Variants in AMBRA1 observed in about 807,000 individuals in gnomAD.
The protein encoded by AMBRA1 is autophagy and beclin 1 regulator 1.
In AMBRA1, 47 loss-of-function variants were observed where a neutral mutation model predicts 125.4. The observed-to-expected ratio is 0.37, with a 90% CI of 0.30 to 0.48. The LOEUF (loss-of-function observed/expected upper bound fraction) is 0.48, where lower values mean the gene tolerates loss of function less well. AMBRA1 is among the 20% of genes least tolerant of loss of function. The pLI is 0.99. For synonymous variants in AMBRA1, 626 were observed against 655.5 expected (o/e 0.95, Z 0.69); for missense variants, 1,331 against 1,693.4 (o/e 0.79, Z 3.76).
intron 7 of AMBRA1, among the ~76,000 whole-genome samples, chr11:46,538,588 G>A (rs1317515331): frequency 2.6e-5 from 4 of 151,924 alleles, no homozygotes; most frequent in Non-Finnish European, 5.9e-5. Context: ...CCGCCTCCCC[G>A]GGTCCAAGTG....
At chr11:46,418,356 A>G (rs1280788441) in intron 14 of AMBRA1, among the ~76,000 whole-genome samples, 1 of 141,094 alleles carries the variant, frequency 7.1e-6, no homozygotes, top group African/African-American at 2.6e-5. Context: ...ATATAAATAT[A>G]TATTTTATTA....
intron 1 of AMBRA1, among the ~76,000 whole-genome samples, chr11:46,587,462 C>T (rs550383261): frequency 2.0e-5 from 3 of 152,240 alleles, no homozygotes; most frequent in African/African-American, 7.2e-5. Flanking sequence ...ATGTAAAACC[C>T]AGTATTATCA....
intron 9 of AMBRA1, among the ~76,000 whole-genome samples, chr11:46,499,788 T>C: frequency 6.6e-6 from 1 of 152,118 alleles, no homozygotes; most frequent in East Asian, 1.9e-4. Context: ...CCTGAGTAGC[T>C]GGGTTTACAG....
intron 11 of AMBRA1, among the ~76,000 whole-genome samples, chr11:46,460,343 A>G: frequency 6.8e-6 from 1 of 147,902 alleles, no homozygotes; most frequent in Admixed American, 6.7e-5. Context: ...TTTTTTTGAG[A>G]CGGAGTCTCG....
chr11:46,474,847 A>G lies in AMBRA1; in HGVS notation c.2521+18761T>C, dbSNP rs549588411. 5.4e-4 allele frequency among the ~76,000 whole-genome samples: 82 copies of G among 152,332 alleles called. No homozygotes were observed. In the South Asian group the frequency reaches 0.016, roughly 29 times the overall value. ...CTGGTTCACTGAGGGCAGCTAACCC[A>G]TATCAGAGCCAGAACAGTGAAAAAA... is the stretch of plus-strand genomic sequence containing the variant. On this transcript the variant is annotated intron_variant, in intron 11 of 17. Coordinates refer to ENST00000683756, the MANE Select transcript of AMBRA1 (RefSeq NM_001387011.1).
chr11:46,449,857 A>C (rs775549478), intron 11 of AMBRA1, among the ~76,000 whole-genome samples: 8 of 151,952 alleles, frequency 5.3e-5, no homozygotes, highest in Non-Finnish European at 8.8e-5. Flanking sequence ...TCAGGAGTTT[A>C]AGACCAGCCT....
chr11:46,491,095 T>A (rs1464519889), intron 11 of AMBRA1: 2 of 152,174 alleles, frequency 1.3e-5, no homozygotes, highest in East Asian at 3.8e-4. Flanking sequence ...AAGATTTTCC[T>A]CAGCAAGCAC....
intron 12 of AMBRA1, among the ~76,000 whole-genome samples, chr11:46,439,909 T>C (rs1174197700): frequency 6.6e-6 from 1 of 151,378 alleles, no homozygotes; most frequent in African/African-American, 2.4e-5. Context: ...AATGCCCACA[T>C]ACTACTTTTT....
At chr11:46,577,521 T>C (rs990198076) in intron 1 of AMBRA1, among the ~76,000 whole-genome samples, 1 of 152,126 alleles carries the variant, frequency 6.6e-6, no homozygotes, top group African/African-American at 2.4e-5. Flanking sequence ...GAGATGGTAA[T>C]GTTTTGAAAC....
At chr11:46,588,595 G>A (rs1161982663) in intron 1 of AMBRA1, among the ~76,000 whole-genome samples, 1 of 151,514 alleles carries the variant, frequency 6.6e-6, no homozygotes, top group Non-Finnish European at 1.5e-5. Context: ...GACCAACATG[G>A]TGAAAACCCG....
intron 8 of AMBRA1, among the ~76,000 whole-genome samples, chr11:46,508,839 G>A (rs545395298): frequency 6.6e-6 from 1 of 152,328 alleles, no homozygotes; most frequent in South Asian, 2.1e-4. Flanking sequence ...AGCCTCAGAT[G>A]ATTAAAGAAG....
At chr11:46,424,222 GAAA>G (rs929964734) in intron 14 of AMBRA1, among the ~76,000 whole-genome samples, 1 of 147,578 alleles carries the variant, frequency 6.8e-6, no homozygotes, top group East Asian at 2.0e-4. Context: ...TCTCCCAGCA[GAAA>G]AAAAGGGCAA....
At chr11:46,428,950 G>C in intron 14 of AMBRA1, 1 of 1,612,290 alleles carries the variant, frequency 6.2e-7, no homozygotes. Context: ...GGTACCAGTA[G>C]AAATGTCTCC....
In AMBRA1 at chr11:46,397,248, A is replaced by G. The variant is rs979433979; in HGVS notation, c.*202T>C. The G allele has an allele frequency of 1.7e-6, 1 of 576,384 alleles. No homozygotes were observed. 35.7% of individuals were successfully genotyped at this position (576,384 alleles called of 1,614,324 possible). ...GGCTCTCCCGGGCTCCAGATCCTGG[A>G]AGGTTCTAGTTCCCCGAGGCAGGCC... On this transcript the variant is annotated 3_prime_UTR_variant, in exon 18 of 18. Coordinates refer to ENST00000683756, the MANE Select transcript of AMBRA1 (RefSeq NM_001387011.1).
chr11:46,584,861 CAGG>C (rs1251741597), intron 1 of AMBRA1, among the ~76,000 whole-genome samples: 19 of 152,102 alleles, frequency 1.2e-4, no homozygotes, highest in African/African-American at 4.6e-4. Context: ...CACCTGAGGT[CAGG>C]AGTTCAAGAC....
chr11:46,440,567 AAAT>A (rs1239303451), intron 12 of AMBRA1, among the ~76,000 whole-genome samples: 3 of 152,210 alleles, frequency 2.0e-5, no homozygotes. Flanking sequence ...GAAAGTGACA[AAAT>A]AACAAAACAA....
In AMBRA1 at chr11:46,542,295, G is replaced by C. The variant is rs1303115882; in HGVS notation, c.1722C>G (p.Leu574=). 8.7e-6 allele frequency: 14 copies of C among 1,614,116 alleles called. No individual in the cohort carries two copies. The highest frequency in any genetic ancestry group is 1.2e-5 in the Non-Finnish European group (14 of 1,180,030). ...HLNRCRACHN[L]LTFNNDTLRW... Reference sequence around the variant, plus strand: ...GCAGGGTATCGTTGTTGAAGGTCAGGAGATTGTGGCAAGCACGACAGCGAT... The same window carrying C: ...GCAGGGTATCGTTGTTGAAGGTCAGCAGATTGTGGCAAGCACGACAGCGAT... Residue 574 remains leucine, a synonymous_variant, in exon 7 of 18, where the codon CTC becomes CTG. Transcript: ENST00000683756. This position sits in a 1 kb window ranked among gnomAD's most constrained non-coding sequence, Gnocchi z 5.9.
chr11:46,530,854 T>A (rs1428858249), intron 7 of AMBRA1, among the ~76,000 whole-genome samples: 1 of 152,338 alleles, frequency 6.6e-6, no homozygotes, highest in African/African-American at 2.4e-5. Flanking sequence ...ATAAATAGTT[T>A]TTTTGGAACA....
chr11:46,508,567 T>C (rs1951147691), intron 8 of AMBRA1, among the ~76,000 whole-genome samples, 197 bp from the exon 9 acceptor site: 1 of 152,244 alleles, frequency 6.6e-6, no homozygotes, highest in Non-Finnish European at 1.5e-5. Flanking sequence ...CCAGTGTTTC[T>C]GTTCTGAGAT....
Sources: allele counts gnomAD v4.1 joint callset (sites outside exome capture counted in the v4.1 genomes callset), GRCh38; gene constraint gnomAD v4.1.1; non-coding constraint Gnocchi (gnomAD v3.1); transcripts MANE v1.5; gene names NCBI Gene and HGNC (gene_info 2026-07-23, HGNC 2026-07-21).